Variants in STAB2 observed in about 807,000 individuals in gnomAD.
STAB2 encodes the protein stabilin 2.
In STAB2, 288 loss-of-function variants were observed where a neutral mutation model predicts 338.1. That is an observed-to-expected ratio of 0.85 (90% confidence interval 0.77 to 0.94). The LOEUF (loss-of-function observed/expected upper bound fraction) is 0.94, where lower values mean the gene tolerates loss of function less well. Ranked by LOEUF, STAB2 falls within the 40% of genes least tolerant of loss-of-function variation. STAB2 has a pLI of 0.00. For missense variants in STAB2, 3,141 were observed against 3,210.1 expected, an observed-to-expected ratio of 0.98 and a Z score of 0.52; for synonymous variants, 1,202 against 1,193.3, an observed-to-expected ratio of 1.01 and a Z score of -0.15.
At chr12:103,651,065 G>A (rs909073751) in intron 11 of STAB2, among the ~76,000 whole-genome samples, 5 of 152,200 alleles carry the variant, frequency 3.3e-5, no homozygotes, top group Non-Finnish European at 7.3e-5. Context: ...AGTGTGAGCA[G>A]CTGTTGTTTG....
At position 103,655,480 on chromosome 12, in the gene STAB2, G is replaced by A. The variant is rs376143751; in HGVS notation, c.1633G>A (p.Asp545Asn). 5 of 1,613,942 alleles carry A rather than the reference G, an allele frequency of 3.1e-6. No homozygotes were observed. Among genetic ancestry groups the A allele is most frequent in the East Asian group, 2.2e-5 (1 of 44,876 alleles). ...GGAAACCAATTTGGGACATGCCTTA[G>A]ATGAGGATGGAGTTGGTGGACCATA... ...LEETNLGHAL[D>N]EDGVGGPYTI... is the part of the protein sequence containing the mutation. The change falls in exon 15 of 69, where the codon GAT (aspartate) becomes AAT (asparagine). Residue 545 changes from aspartate (D) to asparagine (N), a missense_variant. Transcript: ENST00000388887.
intron 46 of STAB2, among the ~76,000 whole-genome samples, chr12:103,726,861 A>T (rs1040575778): frequency 6.6e-6 from 1 of 152,210 alleles, no homozygotes; most frequent in Admixed American, 6.5e-5. Flanking sequence ...GAATTGCAAG[A>T]AGACAATTAT....
At position 103,739,572 on chromosome 12, in the gene STAB2, T is replaced by TGTGTGTGC. The variant is rs373686630; in HGVS notation, c.5754+105_5754+106insTGTGTGCG. ...GTGTGTGTGTGTGTGTGTGTGTGTG[T>TGTGTGTGC]GCCCGTGCACGTATGTTGCATAAAT... is the stretch of plus-strand genomic sequence containing the variant. On this transcript the variant is annotated intron_variant, in intron 54 of 68. Transcript: ENST00000388887. 5.9e-3 allele frequency: 4,304 copies of TGTGTGTGC among 731,856 alleles called. 25 individuals carry two copies. Among genetic ancestry groups the TGTGTGTGC allele is most frequent in the African/African-American group, 9.4e-3 (466 of 49,808 alleles). 45.3% of individuals were successfully genotyped at this position (731,856 alleles called of 1,614,324 possible). A position where few individuals can be genotyped will look rare whatever the true frequency, so the allele number is the denominator to read the frequency against.
intron 36 of STAB2, 23 bp downstream of exon 36, chr12:103,704,637 T>C: frequency 6.2e-7 from 1 of 1,611,230 alleles, no homozygotes; most frequent in Non-Finnish European, 8.5e-7. Context: ...TCTGTTTTGA[T>C]AAAATAGTTT....
rs141788349 is a variant in STAB2 at position 103,717,193 on chromosome 12, C to T, written c.4612-577C>T. Among the ~76,000 whole-genome samples the T allele has an allele frequency of 6.8e-3, 1,029 of 152,242 alleles. 3 individuals are homozygous for T. Among genetic ancestry groups the T allele is most frequent in the South Asian group, 0.016 (75 of 4,828 alleles). On this transcript the variant is annotated intron_variant, in intron 43 of 68. Coordinates refer to ENST00000388887, the MANE Select transcript of STAB2 (RefSeq NM_017564.10). ...TCAGCCCAGTGGCCGGGTGCTCCTG[C>T]GCAGACATGGGACATGGGACCTTGT... is the stretch of plus-strand genomic sequence containing the variant.
intron 11 of STAB2, among the ~76,000 whole-genome samples, chr12:103,651,314 A>ATTTTT (rs10669870): frequency 2.3e-5 from 3 of 132,692 alleles, no homozygotes; most frequent in Non-Finnish European, 4.7e-5. Flanking sequence ...CCTGATCTTG[A>ATTTTT]TTTTTTTTTT....
Position 103,746,668 on chromosome 12 carries a change from A to G in STAB2, c.6208A>G (p.Asn2070Asp), listed in dbSNP as rs1415669874. The G allele has an allele frequency of 1.2e-6, 2 of 1,614,070 alleles. No individual in the cohort carries two copies. The change falls in exon 58 of 69, where the codon AAC becomes GAC. Residue 2070 changes from asparagine (N) to aspartate (D), a missense_variant. Transcript: ENST00000388887. ...TAAGGAGAACAACACGTGTGAGTGT[A>G]ACCTGGATTATGAAGGTGACGGAAT... ...TCKENNTCEC[N>D]LDYEGDGITC...
At chr12:103,692,050 G>C (rs958185716) in intron 30 of STAB2, among the ~76,000 whole-genome samples, 7 of 152,214 alleles carry the variant, frequency 4.6e-5, no homozygotes, top group African/African-American at 1.7e-4. Context: ...ATGTACCACA[G>C]ACTGGGAGGC....
chr12:103,667,209 A>C (rs1875190831), intron 19 of STAB2, among the ~76,000 whole-genome samples: 2 of 152,318 alleles, frequency 1.3e-5, no homozygotes, highest in South Asian at 4.1e-4. Flanking sequence ...AAATAGATGC[A>C]GGTGTTCAGA....
intron 29 of STAB2, 150 bp from the exon 30 acceptor site, chr12:103,690,274 G>A (rs770473020): frequency 8.9e-5 from 66 of 740,988 alleles, no homozygotes; most frequent in Non-Finnish European, 1.4e-4. Context: ...GCGTGGTTGA[G>A]TAACTAACTC....
intron 7 of STAB2, among the ~76,000 whole-genome samples, chr12:103,637,454 A>G (rs1957566628): frequency 6.6e-6 from 1 of 152,208 alleles, no homozygotes; most frequent in Admixed American, 6.5e-5. Context: ...ATGTTTCCAT[A>G]TCACCTTAAT....
At chr12:103,739,238 A>C (rs913207216) in intron 53 of STAB2, among the ~76,000 whole-genome samples, 174 bp from the exon 54 acceptor site, 1 of 151,604 alleles carries the variant, frequency 6.6e-6, no homozygotes, top group African/African-American at 2.4e-5. Flanking sequence ...TGGCCTCCCA[A>C]AGTGCTAGGA....
At position 103,740,722 on chromosome 12, in the gene STAB2, G is replaced by C; in HGVS notation, c.5847G>C (p.Arg1949Ser). The change falls in exon 55 of 69, where the codon AGG (arginine) becomes AGC (serine). Residue 1949 changes from arginine to serine, a missense_variant. Arg to Ser is a moderately radical substitution (Grantham distance 110, BLOSUM62 -1). Coordinates refer to ENST00000388887, the MANE Select transcript of STAB2 (RefSeq NM_017564.10). ...GCAGCCTGGTGATACAGATCCCCAG[G>C]TGCTGCAAGGGCTACTTCGGGCGAG... ...ERCSLVIQIP[R>S]CCKGYFGRDC... is the part of the protein sequence containing the mutation. 6.2e-7 allele frequency: 1 copy of C among 1,600,810 alleles called. No homozygotes were observed. Among genetic ancestry groups the C allele is most frequent in the Non-Finnish European group, 8.5e-7 (1 of 1,175,494 alleles).
At chr12:103,590,284 A>G (rs1956775859) in intron 1 of STAB2, among the ~76,000 whole-genome samples, 1 of 152,236 alleles carries the variant, frequency 6.6e-6, no homozygotes, top group Non-Finnish European at 1.5e-5. Flanking sequence ...ACTGCTATGC[A>G]TCAGATACTA....
intron 42 of STAB2, among the ~76,000 whole-genome samples, chr12:103,714,696 A>T (rs148521845): frequency 1.3e-5 from 2 of 152,142 alleles, no homozygotes; most frequent in Non-Finnish European, 2.9e-5. Flanking sequence ...CCAAAAAAAA[A>T]AAAAAACCAT....
intron 33 of STAB2, among the ~76,000 whole-genome samples, chr12:103,697,756 T>C (rs541222736): frequency 6.6e-6 from 1 of 152,246 alleles, no homozygotes; most frequent in South Asian, 2.1e-4. Flanking sequence ...AAGGTTAAAG[T>C]GAGAAAGAAA....
chr12:103,631,527 AC>A, intron 5 of STAB2, 70 bp from the exon 6 acceptor site: 1 of 1,462,024 alleles, frequency 6.8e-7, no homozygotes, highest in Non-Finnish European at 9.6e-7. Flanking sequence ...TGATCTAAAA[AC>A]ACTAGCTTTC....
rs372844387 is a variant in STAB2 at position 103,742,567 on chromosome 12, G to A, written c.6031+13G>A. Reference sequence around the variant, plus strand: ...CCTGATTGTCTGCGTATGTGGCGCCGCTTCTCCGTGCTAGAGCTTGTTTTT... The same window carrying A: ...CCTGATTGTCTGCGTATGTGGCGCCACTTCTCCGTGCTAGAGCTTGTTTTT... On this transcript the variant is annotated intron_variant, in intron 56 of 68. Coordinates refer to ENST00000388887, the MANE Select transcript of STAB2 (RefSeq NM_017564.10). 2.5e-5 allele frequency: 41 copies of A among 1,613,794 alleles called. No homozygotes were observed. Among genetic ancestry groups the A allele is most frequent in the African/African-American group, 8.0e-5 (6 of 74,902 alleles).
intron 61 of STAB2, among the ~76,000 whole-genome samples, chr12:103,753,699 A>G (rs1214259387): frequency 6.6e-6 from 1 of 152,238 alleles, no homozygotes; most frequent in African/African-American, 2.4e-5. Context: ...CCAATATTTA[A>G]GGGTAGACCT....
Sources: allele counts gnomAD v4.1 joint callset (sites outside exome capture counted in the v4.1 genomes callset), GRCh38; gene constraint gnomAD v4.1.1; transcripts MANE v1.5; gene names NCBI Gene and HGNC (gene_info 2026-07-23, HGNC 2026-07-21).